MPPED2: variants seen among roughly 807,000 people sequenced by gnomAD.
MPPED2 encodes the protein metallophosphoesterase domain containing 2, also known as metallophosphoesterase MPPED2.
A neutral mutation model predicts 33.0 loss-of-function variants in MPPED2; 5 were observed. The observed-to-expected ratio is 0.15, with a 90% CI of 0.08 to 0.32. The LOEUF (loss-of-function observed/expected upper bound fraction) is 0.32. MPPED2 is among the 10% of genes least tolerant of loss of function. MPPED2 has a pLI of 1.00. For synonymous variants in MPPED2, 136 were observed against 141.9 expected (o/e 0.96, Z 0.29); for missense variants, 275 against 372.1 (o/e 0.74, Z 2.15).
chr11:30,547,273 A>G (rs1955472827), intron 2 of MPPED2, among the ~76,000 whole-genome samples: 1 of 152,240 alleles, frequency 6.6e-6, no homozygotes, highest in South Asian at 2.1e-4. Flanking sequence ...AACAGGGAAA[A>G]GTTTGTTCAC....
chr11:30,556,102 CA>C (rs1955951821), intron 2 of MPPED2, among the ~76,000 whole-genome samples: 1 of 152,184 alleles, frequency 6.6e-6, no homozygotes, highest in Non-Finnish European at 1.5e-5. Flanking sequence ...CTCTCTCCTG[CA>C]TTATCATCAA....
chr11:30,522,746 C>G (rs1953946952), intron 3 of MPPED2, among the ~76,000 whole-genome samples: 1 of 152,234 alleles, frequency 6.6e-6, no homozygotes, highest in Non-Finnish European at 1.5e-5. Flanking sequence ...ATGTCGTCTT[C>G]CCTTTCATCT....
At chr11:30,469,951 T>C (rs776863746) in intron 4 of MPPED2, among the ~76,000 whole-genome samples, 2 of 152,178 alleles carry the variant, frequency 1.3e-5, no homozygotes, top group South Asian at 2.1e-4. Context: ...CCATGGAGAG[T>C]AGCTTCAGCC....
intron 2 of MPPED2, among the ~76,000 whole-genome samples, chr11:30,567,685 A>G (rs1956505480): frequency 6.6e-6 from 1 of 152,232 alleles, no homozygotes; most frequent in Non-Finnish European, 1.5e-5. Context: ...ACATACAAGG[A>G]TAGTGAAAGT....
chr11:30,442,747 C>T (rs1480169174), intron 4 of MPPED2, among the ~76,000 whole-genome samples: 1 of 152,196 alleles, frequency 6.6e-6, no homozygotes, highest in African/African-American at 2.4e-5. Context: ...CGGTGACTCA[C>T]ACCTATAATC....
chr11:30,515,916 TTAAAA>T (rs1554988139), intron 3 of MPPED2, among the ~76,000 whole-genome samples: 1 of 151,994 alleles, frequency 6.6e-6, no homozygotes, highest in Non-Finnish European at 1.5e-5. Flanking sequence ...CTCTAAAGAG[TTAAAA>T]TAAAGTAGGC....
intron 4 of MPPED2, among the ~76,000 whole-genome samples, chr11:30,422,025 TG>T (rs1224404025): frequency 6.6e-6 from 1 of 152,088 alleles, no homozygotes; most frequent in Non-Finnish European, 1.5e-5. Flanking sequence ...CATACAGAAG[TG>T]GGGAGATGTG....
At chr11:30,582,561 C>A (rs1366627525) in intron 1 of MPPED2, among the ~76,000 whole-genome samples, 1 of 152,178 alleles carries the variant, frequency 6.6e-6, no homozygotes, top group Non-Finnish European at 1.5e-5. Context: ...CTGGAGTAAA[C>A]ACACTAATTA....
chr11:30,520,468 G>A (rs1224041844), intron 3 of MPPED2, among the ~76,000 whole-genome samples: 1 of 152,080 alleles, frequency 6.6e-6, no homozygotes, highest in African/African-American at 2.4e-5. Context: ...GTTCATTTGG[G>A]GGACAAATCA....
rs1244096676 is a variant in MPPED2, at chr11:30,495,285, T to A, written c.536+11A>T. ...AAAGCAATGTGGAAAACTGTTTGAA[T>A]CATCACTTACCAAGGTGCACCGTAT... On this transcript the variant is annotated intron_variant, in intron 4 of 6. Coordinates refer to ENST00000358117, the MANE Select transcript of MPPED2 (RefSeq NM_001584.3). 6.9e-6 allele frequency: 11 copies of A among 1,589,484 alleles called. No individual in the cohort carries two copies. Among genetic ancestry groups the A allele is most frequent in the Non-Finnish European group, 9.5e-6 (11 of 1,157,726 alleles).
intron 4 of MPPED2, among the ~76,000 whole-genome samples, chr11:30,485,414 G>A (rs148431374): frequency 8.6e-5 from 3 of 34,698 alleles, no homozygotes; most frequent in African/African-American, 1.7e-4. Context: ...CATAACATGT[G>A]TAACAAGGTA....
intron 2 of MPPED2, among the ~76,000 whole-genome samples, chr11:30,579,078 T>C (rs1957052283): frequency 6.6e-6 from 1 of 150,510 alleles, no homozygotes; most frequent in Non-Finnish European, 1.5e-5. Flanking sequence ...CATAGGTAAC[T>C]GACTCGCTCT....
chr11:30,516,088 T>C (rs982442444), intron 3 of MPPED2, among the ~76,000 whole-genome samples: 1 of 152,112 alleles, frequency 6.6e-6, no homozygotes, highest in Non-Finnish European at 1.5e-5. Context: ...AATCATAACA[T>C]CTTTCCCACT....
intron 2 of MPPED2, among the ~76,000 whole-genome samples, chr11:30,564,977 G>A (rs1250536986): frequency 6.6e-6 from 1 of 152,134 alleles, no homozygotes; most frequent in Non-Finnish European, 1.5e-5. Context: ...CATCAAAAAT[G>A]TAAGAGTGAG....
At chr11:30,408,256 CA>C (rs1359830333), downstream of MPPED2, among the ~76,000 whole-genome samples, 4 of 152,196 alleles carry the variant, frequency 2.6e-5, no homozygotes, top group African/African-American at 9.7e-5. Context: ...AGCCACATTG[CA>C]GGGTGTTTCA....
At chr11:30,542,359 A>G (rs1230766818) in intron 2 of MPPED2, among the ~76,000 whole-genome samples, 1 of 151,008 alleles carries the variant, frequency 6.6e-6, no homozygotes, top group Non-Finnish European at 1.5e-5. Flanking sequence ...CATGTCTGTA[A>G]TCCCAGCACT....
chr11:30,496,251 G>C (rs982215903), intron 3 of MPPED2, among the ~76,000 whole-genome samples: 1 of 152,132 alleles, frequency 6.6e-6, no homozygotes, highest in Non-Finnish European at 1.5e-5. Flanking sequence ...ATTCTGGGAA[G>C]AAGAATGAAA....
chr11:30,552,288 T>C (rs1244989243), intron 2 of MPPED2, among the ~76,000 whole-genome samples: 1 of 152,228 alleles, frequency 6.6e-6, no homozygotes, highest in Admixed American at 6.5e-5. Context: ...ATTTCCCCGA[T>C]CCACAAACGG....
intron 2 of MPPED2, among the ~76,000 whole-genome samples, chr11:30,568,245 CT>C (rs943076050): frequency 4.0e-5 from 6 of 151,598 alleles, no homozygotes; most frequent in East Asian, 1.9e-4. Context: ...TCTGGGTATA[CT>C]TTTTTTTTCT....
Sources: gnomAD v4.1 joint callset for allele counts (sites outside exome capture counted in the v4.1 genomes callset) on GRCh38, gnomAD v4.1.1 for gene constraint, MANE v1.5 for transcripts, NCBI Gene and HGNC (gene_info 2026-07-23, HGNC 2026-07-21) for gene names.